MRPS18A: variants seen among roughly 807,000 people sequenced by gnomAD.
The protein encoded by MRPS18A is mitochondrial ribosomal protein S18A, also known as large ribosomal subunit protein mL66.
A neutral mutation model predicts 22.7 loss-of-function variants in MRPS18A; 20 were observed. The ratio of observed to expected loss-of-function variants is 0.88; its 90% CI spans 0.62 to 1.28. The LOEUF (loss-of-function observed/expected upper bound fraction) is 1.28, where lower values mean the gene tolerates loss of function less well. Among genes scored for constraint, MRPS18A ranks in the 50% most tolerant of loss-of-function variants. The probability of loss-of-function intolerance (pLI) is 0.00; values close to 1 mark genes in which losing one functional copy is unlikely to be tolerated. For missense variants in MRPS18A, 294 were observed against 262.6 expected, an observed-to-expected ratio of 1.12 and a Z score of -0.83; for synonymous variants, 106 against 99.1, an observed-to-expected ratio of 1.07 and a Z score of -0.41.
chr6:43,674,464 A>G (rs973618025), intron 5 of MRPS18A, among the ~76,000 whole-genome samples: 2 of 152,170 alleles, frequency 1.3e-5, no homozygotes, highest in Non-Finnish European at 2.9e-5. Flanking sequence ...CCTCAAATCA[A>G]TTCTACAGAC....
At chr6:43,678,760 GT>G in intron 2 of MRPS18A, 135 bp from the exon 3 acceptor site, 1 of 644,456 alleles carries the variant, frequency 1.6e-6, no homozygotes, top group Non-Finnish European at 2.8e-6. Flanking sequence ...TAGCTAAGAG[GT>G]TTCTCTGCCT....
intron 1 of MRPS18A, among the ~76,000 whole-genome samples, chr6:43,686,728 C>G (rs1402831694): frequency 6.6e-6 from 1 of 152,190 alleles, no homozygotes; most frequent in African/African-American, 2.4e-5. Flanking sequence ...ATGCCAGATC[C>G]TCAAAAAACC....
At chr6:43,683,496 C>G (rs571557282) in intron 1 of MRPS18A, among the ~76,000 whole-genome samples, 4 of 152,140 alleles carry the variant, frequency 2.6e-5, no homozygotes, top group Non-Finnish European at 5.9e-5. Context: ...AAAACCTGAT[C>G]CATTTTGTTC....
At chr6:43,683,793 C>T (rs987618412) in intron 1 of MRPS18A, among the ~76,000 whole-genome samples, 6 of 152,214 alleles carry the variant, frequency 3.9e-5, no homozygotes, top group African/African-American at 1.4e-4. Flanking sequence ...ATTCTACCTA[C>T]TGTGAATTAC....
At chr6:43,675,680 A>T in intron 3 of MRPS18A, 63 bp from the exon 4 acceptor site, 1 of 1,545,436 alleles carries the variant, frequency 6.5e-7, no homozygotes, top group South Asian at 1.2e-5. Context: ...CCGGGAAGCT[A>T]GGGCTTCATG....
chr6:43,671,948 C>A, intron 5 of MRPS18A, 42 bp from the exon 6 acceptor site: 2 of 1,537,948 alleles, frequency 1.3e-6, no homozygotes, highest in Non-Finnish European at 8.8e-7. Context: ...GGGCTGGGGG[C>A]CCAAGCTGGA....
Position 43,671,691 on chromosome 6 carries a change from C to T in MRPS18A, c.*71G>A. On this transcript the variant is annotated 3_prime_UTR_variant, in exon 6 of 6. Coordinates refer to ENST00000372133, the MANE Select transcript of MRPS18A (RefSeq NM_018135.4). The stretch of plus-strand genomic sequence containing the variant: ...GGTGGGACAGGAGTATAGTTGTGGC[C>T]AAGGGCTTGTGAGTGGGCCTCCTAC... 1.3e-6 allele frequency: 2 copies of T among 1,584,832 alleles called. No individual in the cohort carries two copies. Among genetic ancestry groups the T allele is most frequent in the East Asian group, 2.2e-5 (1 of 44,716 alleles).
intron 1 of MRPS18A, 25 bp downstream of exon 1, chr6:43,687,643 G>A: frequency 8.4e-7 from 1 of 1,196,428 alleles, no homozygotes; most frequent in Non-Finnish European, 1.2e-6. Flanking sequence ...TTAATTTCAG[G>A]AGGTTGCTGG....
chr6:43,675,511 T>G lies in MRPS18A; in HGVS notation c.359A>C (p.Lys120Thr), dbSNP rs1774004383. Reference sequence around the variant, plus strand: ...CCTTCTACCTGCTCGGTGGGCCATCTTCACACACTCCTCGATCTTGCGGTG... The same window carrying G: ...CCTTCTACCTGCTCGGTGGGCCATCGTCACACACTCCTCGATCTTGCGGTG... ...EEHRKIEECV[K>T]MAHRAGLLPN... Residue 120 changes from lysine to threonine, a missense_variant, in exon 4 of 6, where the codon AAG becomes ACG. Transcript: ENST00000372133. 14 of 1,614,084 alleles carry G rather than the reference T, an allele frequency of 8.7e-6. No homozygotes were observed. Among genetic ancestry groups the G allele is most frequent in the Non-Finnish European group, 1.2e-5 (14 of 1,180,048 alleles).
rs1046488629 is a variant in MRPS18A at position 43,673,513 on chromosome 6, G to A, written c.447-1607C>T. ...TGTTCTTTCTCCCATGCCTTGGAGAGGGAAGCTGGGCTTTAGCTGGCCTTG... is the reference window on the plus strand; with the variant it reads ...TGTTCTTTCTCCCATGCCTTGGAGAAGGAAGCTGGGCTTTAGCTGGCCTTG... On this transcript the variant is annotated intron_variant, in intron 5 of 5. Coordinates refer to ENST00000372133, the MANE Select transcript of MRPS18A (RefSeq NM_018135.4). The surrounding 1 kb of genome is among the most constrained non-coding windows in gnomAD (Gnocchi z 4.2). Among the ~76,000 whole-genome samples the A allele has an allele frequency of 1.3e-5, 2 of 152,246 alleles. No homozygotes were observed. Among genetic ancestry groups the A allele is most frequent in the Non-Finnish European group, 2.9e-5 (2 of 68,046 alleles).
At position 43,679,359 on chromosome 6, in the gene MRPS18A, T is replaced by C. The variant is rs964653314; in HGVS notation, c.145-734A>G. Among the ~76,000 whole-genome samples the C allele has an allele frequency of 7.9e-5, 12 of 152,312 alleles. No homozygotes were observed. The South Asian group carries it at 8.3e-4, about 11-fold the overall frequency. ...CCGGGCTGTGCCATATAAGCAGATA[T>C]GCGTGCACTCGTTCTCTCTTTACAA... On this transcript the variant is annotated intron_variant, in intron 2 of 5. Transcript: ENST00000372133.
chr6:43,680,054 C>T (rs1191769063), intron 2 of MRPS18A, among the ~76,000 whole-genome samples: 1 of 152,180 alleles, frequency 6.6e-6, no homozygotes, highest in Non-Finnish European at 1.5e-5. Flanking sequence ...CTCTTCCCTC[C>T]CCTGAGGGCT....
In MRPS18A at chr6:43,671,438, G is replaced by A; in HGVS notation, c.*324C>T. 2.3e-6 allele frequency: 1 copy of A among 440,240 alleles called. No individual in the cohort carries two copies. The highest frequency in any genetic ancestry group is 4.1e-6 in the Non-Finnish European group (1 of 241,704). The allele number at this position is 440,240 out of a possible 1,614,324, so 27.3% of individuals were successfully genotyped here. ...ACCCCCTGCACTTCCCAAGCAGTGA[G>A]CGCACACCCAATGGGTAAGCCCATG... On this transcript the variant is annotated 3_prime_UTR_variant, in exon 6 of 6. Transcript: ENST00000372133.
At position 43,681,106 on chromosome 6, in the gene MRPS18A, C is replaced by G. The variant is rs1350067262; in HGVS notation, c.127G>C (p.Glu43Gln). ...ATACTTACTATAGTTGTCTTCCCTTCTTGGGTCTCCACCACTACGGAGATA... is the reference window on the plus strand; with the variant it reads ...ATACTTACTATAGTTGTCTTCCCTTGTTGGGTCTCCACCACTACGGAGATA... ...RGFREVVETQ[E>Q]GKTTIIEGRI... Residue 43 changes from glutamate (E) to glutamine (Q), a missense_variant, in exon 2 of 6, where the codon GAA (glutamate) becomes CAA (glutamine). Coordinates refer to ENST00000372133, the MANE Select transcript of MRPS18A (RefSeq NM_018135.4). 10 of 1,613,528 alleles carry G rather than the reference C, an allele frequency of 6.2e-6. No homozygotes were observed. Among genetic ancestry groups the G allele is most frequent in the African/African-American group, 1.3e-5 (1 of 74,924 alleles).
intron 1 of MRPS18A, among the ~76,000 whole-genome samples, chr6:43,685,428 A>C (rs1367640631): frequency 6.6e-6 from 1 of 152,114 alleles, no homozygotes; most frequent in Non-Finnish European, 1.5e-5. Context: ...TGGGGAACTG[A>C]CTTGTGCATT....
In MRPS18A at chr6:43,687,787, A is replaced by G; in HGVS notation, c.-8T>C. 1 of 1,557,556 alleles carries G rather than the reference A, an allele frequency of 6.4e-7. No homozygotes were observed. Among genetic ancestry groups the G allele is most frequent in the Non-Finnish European group, 8.7e-7 (1 of 1,150,126 alleles). On this transcript the variant is annotated 5_prime_UTR_variant, in exon 1 of 6. Transcript: ENST00000372133. ...AGCCTTGAGGGCCGCCATCTTCAAA[A>G]ACCTACCCTGACCTCTCGTCCATTT...
chr6:43,675,482 A>G lies in MRPS18A; in HGVS notation c.376+12T>C. 6.2e-7 allele frequency: 1 copy of G among 1,614,034 alleles called. No homozygotes were observed. The highest frequency in any genetic ancestry group is 1.7e-5 in the Admixed American group (1 of 60,016). On this transcript the variant is annotated intron_variant, in intron 4 of 5. Coordinates refer to ENST00000372133, the MANE Select transcript of MRPS18A (RefSeq NM_018135.4). ...CAGCCCTCTGCCCCTCTTGGTCCCC[A>G]GGGCCTTCTACCTGCTCGGTGGGCC...
chr6:43,671,957 G>C (rs1304918596), intron 5 of MRPS18A, 51 bp from the exon 6 acceptor site: 2 of 1,519,888 alleles, frequency 1.3e-6, no homozygotes, highest in East Asian at 4.8e-5. Context: ...GCCCAAGCTG[G>C]ACGTGGGAGA....
chr6:43,671,457 G>A lies in MRPS18A; in HGVS notation c.*305C>T. On this transcript the variant is annotated 3_prime_UTR_variant, in exon 6 of 6. Transcript: ENST00000372133. ...CAGTGAGCGCACACCCAATGGGTAA[G>A]CCCATGAACCCAGTTTATGACACTG... The A allele has an allele frequency of 2.1e-6, 1 of 470,306 alleles. No homozygotes were observed. Among genetic ancestry groups the A allele is most frequent in the Admixed American group, 3.7e-5 (1 of 27,340 alleles). 29.1% of individuals were successfully genotyped at this position (470,306 alleles called of 1,614,324 possible).
Sources: allele counts gnomAD v4.1 joint callset (sites outside exome capture counted in the v4.1 genomes callset), GRCh38; gene constraint gnomAD v4.1.1; non-coding constraint Gnocchi (gnomAD v3.1); transcripts MANE v1.5; gene names NCBI Gene and HGNC (gene_info 2026-07-23, HGNC 2026-07-21).